DACH2: variants seen among roughly 807,000 people sequenced by gnomAD.
DACH2 encodes the protein dachshund homolog 2.
DACH2 carries 17 observed loss-of-function variants against 35.8 expected under a neutral mutation model. The ratio of observed to expected loss-of-function variants is 0.48; its 90% CI spans 0.33 to 0.71. The LOEUF is 0.71. DACH2 is among the 30% of genes least tolerant of loss of function. DACH2 has a pLI of 0.02. For missense variants in DACH2, 469 were observed against 472.7 expected, an observed-to-expected ratio of 0.99 and a Z score of 0.07; for synonymous variants, 195 against 177.3, an observed-to-expected ratio of 1.10 and a Z score of -0.79.
intron 1 of DACH2, among the ~76,000 whole-genome samples, chrX:86,337,706 A>G (rs1203674933): frequency 8.9e-6 from 1 of 112,017 alleles, no homozygotes; most frequent in East Asian, 2.8e-4. Context: ...AAATTCACAC[A>G]TAACAATATT....
chrX:86,345,387 A>G (rs1199452366), intron 1 of DACH2: 1 of 290,471 alleles, frequency 3.4e-6, no homozygotes, highest in Non-Finnish European at 6.6e-6. Flanking sequence ...TCCTGACATG[A>G]ATTAGATTGT....
intron 2 of DACH2, among the ~76,000 whole-genome samples, chrX:86,501,717 C>T (rs1252078875): frequency 1.8e-5 from 2 of 111,299 alleles, no homozygotes; most frequent in Non-Finnish European, 3.8e-5. Flanking sequence ...AAATAGAAAA[C>T]TAAAGGAAAA....
intron 1 of DACH2, among the ~76,000 whole-genome samples, chrX:86,187,769 C>T (rs1458307040): frequency 9.0e-6 from 1 of 110,950 alleles, no homozygotes; most frequent in African/African-American, 3.3e-5. Flanking sequence ...CAAAACTTTT[C>T]CTCCAATTTG....
At chrX:86,571,560 C>A (rs1461756168) in intron 3 of DACH2, among the ~76,000 whole-genome samples, 1 of 109,496 alleles carries the variant, frequency 9.1e-6, no homozygotes, top group Non-Finnish European at 1.9e-5. Context: ...GGACAAAAAA[C>A]CAAACACCGC....
chrX:86,388,661 TG>T (rs2036156374), intron 2 of DACH2, among the ~76,000 whole-genome samples: 1 of 111,965 alleles, frequency 8.9e-6, no homozygotes, highest in Non-Finnish European at 1.9e-5. Context: ...TTCTAGGCTT[TG>T]GGATTAGTGA....
chrX:86,357,390 T>C (rs2035660757), intron 1 of DACH2, among the ~76,000 whole-genome samples: 1 of 112,539 alleles, frequency 8.9e-6, no homozygotes, highest in Admixed American at 9.4e-5. Flanking sequence ...ACAAAGAACA[T>C]GTTTTCTGCA....
rs1057086597 is a variant in DACH2 at position 86,509,035 on chromosome X, A to AC, written c.528-5243dup. Among the ~76,000 whole-genome samples, 54 of 111,687 alleles carry AC rather than the reference A, an allele frequency of 4.8e-4. 4 individuals carry two copies. The highest frequency in any genetic ancestry group is 1.9e-5 in the Non-Finnish European group (1 of 53,171). ...CATGGGTCGTTCTACTTGAGCCTTAACATTTTAATGCATGACCCATTGACA... is the reference window on the plus strand; with the variant it reads ...CATGGGTCGTTCTACTTGAGCCTTAACCATTTTAATGCATGACCCATTGACA... On this transcript the variant is annotated intron_variant, in intron 2 of 11. Coordinates refer to ENST00000373125, the MANE Select transcript of DACH2 (RefSeq NM_053281.3).
intron 2 of DACH2, among the ~76,000 whole-genome samples, chrX:86,403,942 G>T: frequency 9.1e-6 from 1 of 110,343 alleles, no homozygotes; most frequent in Non-Finnish European, 1.9e-5. Flanking sequence ...TCTTCACATG[G>T]TGGCAGCAAG....
chrX:86,423,070 T>C (rs1296297898), intron 2 of DACH2, among the ~76,000 whole-genome samples: 1 of 111,995 alleles, frequency 8.9e-6, no homozygotes, highest in Non-Finnish European at 1.9e-5. Flanking sequence ...CATTCATCTA[T>C]TTTTGGATGC....
intron 1 of DACH2, among the ~76,000 whole-genome samples, chrX:86,374,702 T>A: frequency 9.0e-6 from 1 of 111,083 alleles, no homozygotes; most frequent in East Asian, 2.8e-4. Flanking sequence ...TCATCATGAC[T>A]TTTGTTTCAC....
chrX:86,688,416 C>T (rs746088898), intron 4 of DACH2, among the ~76,000 whole-genome samples: 3 of 111,671 alleles, frequency 2.7e-5, no homozygotes, highest in African/African-American at 6.5e-5. Context: ...CAAACAAAGG[C>T]AGTGTCAGTG....
At chrX:86,201,921 C>T (rs2032166715) in intron 1 of DACH2, among the ~76,000 whole-genome samples, 1 of 111,166 alleles carries the variant, frequency 9.0e-6, no homozygotes, top group African/African-American at 3.3e-5. Flanking sequence ...GTCACTTATC[C>T]TTTCTCAGCC....
chrX:86,289,209 T>C (rs1197366561), intron 1 of DACH2, among the ~76,000 whole-genome samples: 1 of 107,590 alleles, frequency 9.3e-6, no homozygotes, highest in Non-Finnish European at 1.9e-5. Context: ...GGGTGCCTCA[T>C]GACTGACCAG....
intron 3 of DACH2, among the ~76,000 whole-genome samples, chrX:86,583,865 G>C (rs1452239524): frequency 1.8e-5 from 2 of 110,109 alleles, no homozygotes; most frequent in Non-Finnish European, 3.8e-5. Flanking sequence ...ATTGTTGAGA[G>C]AGATTCATAT....
intron 1 of DACH2, among the ~76,000 whole-genome samples, chrX:86,163,870 T>C (rs1216310596): frequency 1.8e-5 from 2 of 111,506 alleles, no homozygotes; most frequent in Non-Finnish European, 3.8e-5. Context: ...CTATTGTGAA[T>C]AGCGCTGCAA....
At chrX:86,616,430 A>T (rs781060571) in intron 3 of DACH2, among the ~76,000 whole-genome samples, 1 of 111,802 alleles carries the variant, frequency 8.9e-6, no homozygotes, top group South Asian at 3.7e-4. Flanking sequence ...GCTCACCAAC[A>T]TCTGTTATTC....
intron 3 of DACH2, among the ~76,000 whole-genome samples, chrX:86,631,025 A>T (rs919483351): frequency 8.9e-6 from 1 of 112,080 alleles, no homozygotes; most frequent in Admixed American, 9.5e-5. Flanking sequence ...CTCACATCAC[A>T]TTCACTGACG....
At chrX:86,204,798 G>A (rs765835229) in intron 1 of DACH2, among the ~76,000 whole-genome samples, 8 of 111,640 alleles carry the variant, frequency 7.2e-5, no homozygotes, top group Non-Finnish European at 1.3e-4. Context: ...CAGCTCAATC[G>A]GATGGGAGAT....
At chrX:86,267,448 A>G (rs1408345599) in intron 1 of DACH2, among the ~76,000 whole-genome samples, 1 of 112,324 alleles carries the variant, frequency 8.9e-6, no homozygotes, top group Non-Finnish European at 1.9e-5. Context: ...TTCAAAAGCT[A>G]TTGATTTGTC....
Sources: gnomAD v4.1 joint callset for allele counts (sites outside exome capture counted in the v4.1 genomes callset) on GRCh38, gnomAD v4.1.1 for gene constraint, MANE v1.5 for transcripts, NCBI Gene and HGNC (gene_info 2026-07-23, HGNC 2026-07-21) for gene names.